The following EXOC2 variants were observed in gnomAD, a reference collection of about 807,000 sequenced individuals.
EXOC2 encodes exocyst complex component 2.
EXOC2 carries 70 observed loss-of-function variants against 131.8 expected under a neutral mutation model. The ratio of observed to expected loss-of-function variants is 0.53; its 90% CI spans 0.44 to 0.65. The LOEUF (loss-of-function observed/expected upper bound fraction) is 0.65. Among genes scored for constraint, EXOC2 ranks in the 30% least tolerant of loss-of-function variants. The pLI is 0.00. For missense variants in EXOC2, 923 were observed against 1,108.6 expected, an observed-to-expected ratio of 0.83 and a Z score of 2.38; for synonymous variants, 411 against 398.4, an observed-to-expected ratio of 1.03 and a Z score of -0.38.
chr6:506,347 A>G lies in EXOC2; in HGVS notation c.2381-6647T>C, dbSNP rs1205436392. The stretch of plus-strand genomic sequence containing the variant: ...AAGTTTCAGTTTGTGCTCCAACAAC[A>G]GTGGGCCATACAATGCCAAATGTAT... On this transcript the variant is annotated intron_variant, in intron 23 of 27. Coordinates refer to ENST00000230449, the MANE Select transcript of EXOC2 (RefSeq NM_018303.6). The surrounding 1 kb of genome is among the most constrained non-coding windows in gnomAD (Gnocchi z 4.4). Among the ~76,000 whole-genome samples, 1 of 152,230 alleles carries G rather than the reference A, an allele frequency of 6.6e-6. No homozygotes were observed. The highest frequency in any genetic ancestry group is 1.5e-5 in the Non-Finnish European group (1 of 68,032).
At chr6:664,755 G>T (rs1763563933) in intron 1 of EXOC2, among the ~76,000 whole-genome samples, 1 of 152,188 alleles carries the variant, frequency 6.6e-6, no homozygotes, top group Non-Finnish European at 1.5e-5. Flanking sequence ...AATAAAACTG[G>T]ATCCTCGTCT....
chr6:692,909 T>C (rs1230639558), intron 1 of EXOC2, 110 bp downstream of exon 1: 1 of 152,288 alleles, frequency 6.6e-6, no homozygotes, highest in East Asian at 1.9e-4. Context: ...TGGGCGCGGC[T>C]GTCCCTTCAC....
At chr6:562,211 G>A (rs1279101748) in intron 17 of EXOC2, among the ~76,000 whole-genome samples, 6 of 152,206 alleles carry the variant, frequency 3.9e-5, no homozygotes, top group African/African-American at 1.4e-4. Flanking sequence ...GGGATGTGTC[G>A]GCCGCTGCCT....
At chr6:656,340 C>T in intron 1 of EXOC2, 2 of 1,614,228 alleles carry the variant, frequency 1.2e-6, no homozygotes, top group Non-Finnish European at 1.7e-6. Context: ...TTTAAAATAA[C>T]TTTGAATGGA....
At chr6:504,166 C>A (rs933027645) in intron 23 of EXOC2, among the ~76,000 whole-genome samples, 2 of 152,210 alleles carry the variant, frequency 1.3e-5, no homozygotes, top group African/African-American at 4.8e-5. Context: ...TAAAGGCATG[C>A]ACATGCGAAC....
chr6:516,654 C>T (rs1368533984), intron 23 of EXOC2, among the ~76,000 whole-genome samples: 2 of 152,222 alleles, frequency 1.3e-5, no homozygotes, highest in Non-Finnish European at 2.9e-5. Context: ...GAAATAATAG[C>T]TGGGCTGGGG....
chr6:486,819 G>GC (rs1763089119), intron 27 of EXOC2, 55 bp from the exon 28 acceptor site: 6 of 1,412,228 alleles, frequency 4.2e-6, no homozygotes, highest in Non-Finnish European at 6.0e-6. Flanking sequence ...GCCTAGCAAC[G>GC]CAAGAAAACA....
Position 592,514 on chromosome 6 carries a change from GAAGGAT to G in EXOC2, c.1141_1146del (p.Ile381_Leu382del), listed in dbSNP as rs1301774843. 6.2e-7 allele frequency: 1 copy of G among 1,613,980 alleles called. No individual in the cohort carries two copies. Among genetic ancestry groups the G allele is most frequent in the African/African-American group, 1.3e-5 (1 of 74,906 alleles). ...CCCTCTTTGCAACTGTGCATGAGCT[GAAGGAT>G]CCACTTGTGTTGGGCTCCAATGCAT... is the stretch of plus-strand genomic sequence containing the variant. On this transcript the variant is annotated inframe_deletion, in exon 11 of 28. Coordinates refer to ENST00000230449, the MANE Select transcript of EXOC2 (RefSeq NM_018303.6).
intron 20 of EXOC2, among the ~76,000 whole-genome samples, chr6:554,357 G>A (rs1012637689): frequency 4.3e-4 from 65 of 152,114 alleles, no homozygotes; most frequent in Non-Finnish European, 1.2e-4. Context: ...TTTAATAAGT[G>A]TTTTAGACTT....
intron 25 of EXOC2, among the ~76,000 whole-genome samples, chr6:494,743 T>C (rs1038521752): frequency 1.3e-5 from 2 of 152,232 alleles, no homozygotes; most frequent in African/African-American, 4.8e-5. Context: ...ATAATGCTCC[T>C]GGGATTCACT....
At chr6:544,553 T>C (rs1756730851) in intron 22 of EXOC2, among the ~76,000 whole-genome samples, 1 of 152,216 alleles carries the variant, frequency 6.6e-6, no homozygotes, top group Non-Finnish European at 1.5e-5. Context: ...TAGCTGATTT[T>C]GTTTATACGT....
At chr6:493,084 T>G (rs906516108) in intron 25 of EXOC2, among the ~76,000 whole-genome samples, 3 of 152,082 alleles carry the variant, frequency 2.0e-5, no homozygotes, top group African/African-American at 7.2e-5. Context: ...AGGAGAACAT[T>G]TAAAAGAAAT....
At chr6:583,709 G>A (rs1265441043) in intron 11 of EXOC2, among the ~76,000 whole-genome samples, 1 of 152,138 alleles carries the variant, frequency 6.6e-6, no homozygotes, top group East Asian at 1.9e-4. Flanking sequence ...TCTTAAAGCA[G>A]GTAAATAAAA....
intron 13 of EXOC2, among the ~76,000 whole-genome samples, chr6:568,544 T>TG (rs753131323): frequency 5.9e-5 from 9 of 152,280 alleles, no homozygotes; most frequent in Middle Eastern, 6.8e-3. Context: ...TATGTGTGTG[T>TG]GTGAGTGCAG....
At chr6:649,897 T>C (rs1270886536) in intron 1 of EXOC2, among the ~76,000 whole-genome samples, 3 of 152,230 alleles carry the variant, frequency 2.0e-5, no homozygotes, top group African/African-American at 7.2e-5. Context: ...TTTTCTTGCT[T>C]CTCAGTAGTC....
At chr6:686,884 T>C (rs1041498976) in intron 1 of EXOC2, among the ~76,000 whole-genome samples, 12 of 151,864 alleles carry the variant, frequency 7.9e-5, no homozygotes, top group African/African-American at 2.2e-4. Context: ...TCCCCCTCCA[T>C]CCACCCCCAA....
chr6:606,845 C>T (rs1046437040), intron 7 of EXOC2, among the ~76,000 whole-genome samples: 1 of 152,266 alleles, frequency 6.6e-6, no homozygotes, highest in Non-Finnish European at 1.5e-5. Context: ...TTGCGTTTCA[C>T]TTCCAGTGTT....
chr6:616,214 T>G (rs868125796), intron 6 of EXOC2, among the ~76,000 whole-genome samples: 16 of 152,202 alleles, frequency 1.1e-4, no homozygotes, highest in Admixed American at 5.9e-4. Context: ...AAATAAAGAA[T>G]GGCACACCAT....
chr6:614,101 T>C (rs1033290072), intron 6 of EXOC2, among the ~76,000 whole-genome samples: 1 of 152,166 alleles, frequency 6.6e-6, no homozygotes, highest in Non-Finnish European at 1.5e-5. Context: ...GTCTGGCCTT[T>C]GTCCTTAGGT....
Sources: gnomAD v4.1 joint callset for allele counts (sites outside exome capture counted in the v4.1 genomes callset) on GRCh38, gnomAD v4.1.1 for gene constraint, Gnocchi (gnomAD v3.1) non-coding constraint, MANE v1.5 for transcripts, NCBI Gene and HGNC (gene_info 2026-07-23, HGNC 2026-07-21) for gene names.